Variants in ATP9B observed in about 807,000 individuals in gnomAD.
The protein encoded by ATP9B is probable phospholipid-transporting ATPase IIB.
In ATP9B, 110 loss-of-function variants were observed where a neutral mutation model predicts 146.1. The ratio of observed to expected loss-of-function variants is 0.75; its 90% CI spans 0.65 to 0.88. The LOEUF (loss-of-function observed/expected upper bound fraction) is 0.88. Among genes scored for constraint, ATP9B ranks in the 40% least tolerant of loss-of-function variants. The pLI, the probability that ATP9B is intolerant of heterozygous loss-of-function variation, is 0.00. For missense variants in ATP9B, 1,499 were observed against 1,496.4 expected, an observed-to-expected ratio of 1.00 and a Z score of -0.03; for synonymous variants, 604 against 569.7, an observed-to-expected ratio of 1.06 and a Z score of -0.86.
intron 22 of ATP9B, 76 bp downstream of exon 22, chr18:79,345,648 TC>T: frequency 6.3e-7 from 1 of 1,596,516 alleles, no homozygotes. Context: ...CAAAGTTTGT[TC>T]CATCTCTAAA....
chr18:79,126,415 T>C, intron 5 of ATP9B, 40 bp downstream of exon 5: 2 of 1,360,470 alleles, frequency 1.5e-6, no homozygotes, highest in Non-Finnish European at 1.0e-6. Context: ...GTTTGCTTAC[T>C]GTAATTATCA....
chr18:79,170,886 A>T (rs1324357578), intron 7 of ATP9B, among the ~76,000 whole-genome samples: 1 of 152,238 alleles, frequency 6.6e-6, no homozygotes, highest in African/African-American at 2.4e-5. Flanking sequence ...AACACATAGT[A>T]CTTATTGCCT....
intron 9 of ATP9B, among the ~76,000 whole-genome samples, chr18:79,204,472 A>C (rs996038514): frequency 6.6e-6 from 1 of 152,178 alleles, no homozygotes; most frequent in Non-Finnish European, 1.5e-5. Flanking sequence ...TAAACATGCA[A>C]ATTTATATTG....
intron 2 of ATP9B, among the ~76,000 whole-genome samples, chr18:79,098,633 TA>T (rs1243576049): frequency 3.3e-5 from 5 of 152,096 alleles, no homozygotes; most frequent in Non-Finnish European, 7.4e-5. Flanking sequence ...CATGAAGAAA[TA>T]GGTATTTTCT....
chr18:79,117,240 G>T (rs1425479445), intron 4 of ATP9B: 1 of 152,194 alleles, frequency 6.6e-6, no homozygotes, highest in Non-Finnish European at 1.5e-5. Flanking sequence ...TCTAGGTAAT[G>T]TTGATACAAC....
intron 8 of ATP9B, among the ~76,000 whole-genome samples, chr18:79,178,729 A>G (rs2095213418): frequency 6.6e-6 from 1 of 152,068 alleles, no homozygotes. Flanking sequence ...TAGTAGTCAT[A>G]CTGCATGTCT....
At chr18:79,177,766 C>T (rs893112922) in intron 8 of ATP9B, among the ~76,000 whole-genome samples, 2 of 152,126 alleles carry the variant, frequency 1.3e-5, no homozygotes, top group African/African-American at 2.4e-5. Context: ...CTTCATTAGC[C>T]TTCAGGTCAG....
At chr18:79,124,882 G>A (rs1453728415) in intron 4 of ATP9B, among the ~76,000 whole-genome samples, 2 of 152,158 alleles carry the variant, frequency 1.3e-5, no homozygotes, top group Non-Finnish European at 2.9e-5. Context: ...GCAGTGGGAT[G>A]GGTAGAGAAT....
intron 26 of ATP9B, among the ~76,000 whole-genome samples, chr18:79,365,697 G>A (rs574436620): frequency 4.0e-5 from 6 of 151,574 alleles, no homozygotes; most frequent in South Asian, 2.1e-4. Flanking sequence ...GACAGCTCCC[G>A]CGTGATGGAA....
intron 12 of ATP9B, among the ~76,000 whole-genome samples, chr18:79,257,944 T>C (rs773316298): frequency 5.9e-5 from 9 of 152,234 alleles, no homozygotes; most frequent in Non-Finnish European, 1.2e-4. Context: ...ACTGACAGCA[T>C]TGAAGAGTAT....
chr18:79,278,135 A>G (rs1377181156), intron 13 of ATP9B, among the ~76,000 whole-genome samples: 1 of 152,238 alleles, frequency 6.6e-6, no homozygotes, highest in Non-Finnish European at 1.5e-5. Context: ...CAGGTCTCTA[A>G]TACATAGTGG....
rs564369673 is a variant in ATP9B, at chr18:79,328,789, G to A, written c.1774-352G>A. Reference sequence around the variant, plus strand: ...GGGGAGGGAGAAACCTTGAAAAGTCGTATAACTTGCTCCCTGTCCCCAGAC... The same window carrying A: ...GGGGAGGGAGAAACCTTGAAAAGTCATATAACTTGCTCCCTGTCCCCAGAC... On this transcript the variant is annotated intron_variant, in intron 15 of 29. Coordinates refer to ENST00000426216, the MANE Select transcript of ATP9B (RefSeq NM_198531.5). 1.8e-4 allele frequency among the ~76,000 whole-genome samples: 27 copies of A among 152,238 alleles called. 1 individual carries two copies. In the South Asian group the frequency reaches 2.7e-3, roughly 15 times the overall value.
intron 12 of ATP9B, among the ~76,000 whole-genome samples, chr18:79,258,424 T>A (rs1339541542): frequency 1.3e-5 from 2 of 152,176 alleles, no homozygotes; most frequent in Admixed American, 6.5e-5. Context: ...AGCAAGAGCC[T>A]CTCTCGAAAG....
At chr18:79,106,947 T>C (rs879852436) in intron 2 of ATP9B, among the ~76,000 whole-genome samples, 12 of 152,228 alleles carry the variant, frequency 7.9e-5, no homozygotes, top group Non-Finnish European at 7.3e-5. Context: ...TAATATCAGA[T>C]AATGCTATAA....
chr18:79,131,693 G>A (rs2094380370), intron 5 of ATP9B, among the ~76,000 whole-genome samples: 1 of 152,206 alleles, frequency 6.6e-6, no homozygotes, highest in Non-Finnish European at 1.5e-5. Context: ...AATAGCCAAA[G>A]GGTGATAATA....
chr18:79,341,708 G>T, intron 19 of ATP9B, among the ~76,000 whole-genome samples: 1 of 144,606 alleles, frequency 6.9e-6, no homozygotes, highest in Non-Finnish European at 1.5e-5. Flanking sequence ...GTTGAAGCCT[G>T]CGTTGCCGAC....
In ATP9B at chr18:79,096,456, T is replaced by TC; in HGVS notation, c.120-18dup. 5.6e-6 allele frequency: 9 copies of TC among 1,607,782 alleles called. No homozygotes were observed. The highest frequency in any genetic ancestry group is 5.9e-6 in the Non-Finnish European group (7 of 1,178,328). On this transcript the variant is annotated intron_variant, in intron 1 of 29. Transcript: ENST00000426216. ...AAGACTGCTTGGCCTATCTCAGCAC[T>TC]CCATTTTTACCCTAACTAGGTACCA...
chr18:79,116,880 A>G (rs575359994), intron 4 of ATP9B, among the ~76,000 whole-genome samples: 22 of 122,976 alleles, frequency 1.8e-4, no homozygotes, highest in African/African-American at 6.7e-4. Flanking sequence ...TATGTAACTA[A>G]CCTGCACAAT....
At chr18:79,181,899 T>G (rs1265941130) in intron 8 of ATP9B, among the ~76,000 whole-genome samples, 1 of 152,216 alleles carries the variant, frequency 6.6e-6, no homozygotes, top group Non-Finnish European at 1.5e-5. Context: ...ATGTTTCTAT[T>G]TAAATTTTTT....
Sources: allele counts gnomAD v4.1 joint callset (sites outside exome capture counted in the v4.1 genomes callset), GRCh38; gene constraint gnomAD v4.1.1; transcripts MANE v1.5; gene names NCBI Gene and HGNC (gene_info 2026-07-23, HGNC 2026-07-21).